Variants in NGEF observed in about 807,000 individuals in gnomAD.
The protein encoded by NGEF is neuronal guanine nucleotide exchange factor.
A neutral mutation model predicts 80.9 loss-of-function variants in NGEF; 31 were observed. That is an observed-to-expected ratio of 0.38 (90% CI 0.29 to 0.52). The LOEUF (loss-of-function observed/expected upper bound fraction) is 0.52, where lower values mean the gene tolerates loss of function less well. Ranked by LOEUF, NGEF falls within the 20% of genes least tolerant of loss-of-function variation. The pLI is 0.84. For missense variants in NGEF, 709 were observed against 926.2 expected, an observed-to-expected ratio of 0.77 and a Z score of 3.04; for synonymous variants, 371 against 370.2, an observed-to-expected ratio of 1.00 and a Z score of -0.03.
chr2:232,927,829 C>A (rs560567648), intron 3 of NGEF: 26 of 1,115,476 alleles, frequency 2.3e-5, no homozygotes, highest in Non-Finnish European at 2.8e-5. Context: ...GGACCCCGGG[C>A]GCAAGCTGGG....
intron 1 of NGEF, among the ~76,000 whole-genome samples, chr2:233,000,216 C>G (rs993430576): frequency 6.6e-6 from 1 of 152,312 alleles, no homozygotes; most frequent in Admixed American, 6.5e-5. Flanking sequence ...CCGCCTCAGT[C>G]TCCTGAGTAG....
intron 5 of NGEF, chr2:232,905,667 TC>T (rs1692489586): frequency 2.8e-6 from 1 of 363,016 alleles, no homozygotes; most frequent in Non-Finnish European, 5.5e-6. Flanking sequence ...GAGCGCCTCT[TC>T]CCGGCCGCCA....
Position 232,970,340 on chromosome 2 carries a change from C to T in NGEF, c.269-12G>A, listed in dbSNP as rs1346117893. 2.6e-6 allele frequency: 4 copies of T among 1,539,680 alleles called. No homozygotes were observed. Among genetic ancestry groups the T allele is most frequent in the Non-Finnish European group, 3.6e-6 (4 of 1,122,756 alleles). On this transcript the variant is annotated splice_polypyrimidine_tract_variant and intron_variant, in intron 2 of 14. Coordinates refer to ENST00000264051, the MANE Select transcript of NGEF (RefSeq NM_019850.3). ...ATTGTCCTGTGAATCTGTGACAATT[C>T]AGAAATGGAGCAAGTTAGAAGATAC...
intron 5 of NGEF, among the ~76,000 whole-genome samples, chr2:232,902,939 A>G (rs528066078): frequency 1.3e-5 from 2 of 152,360 alleles, no homozygotes; most frequent in African/African-American, 2.4e-5. Context: ...GGTTGCAGTG[A>G]GCTGAGATCG....
intron 5 of NGEF, among the ~76,000 whole-genome samples, chr2:232,900,577 C>T (rs187314174): frequency 3.2e-4 from 36 of 114,038 alleles, no homozygotes; most frequent in African/African-American, 5.7e-4. Context: ...CTCACACACA[C>T]GCTCTCACAG....
At chr2:232,934,883 C>G (rs746808037) in intron 3 of NGEF, among the ~76,000 whole-genome samples, 1 of 151,912 alleles carries the variant, frequency 6.6e-6, no homozygotes, top group Non-Finnish European at 1.5e-5. Flanking sequence ...TAGCATGCAC[C>G]TGCAGTTCCA....
At chr2:232,919,065 GCCTAGGTGGCCCTTCAAAAAT>G (rs1214838497) in intron 5 of NGEF, among the ~76,000 whole-genome samples, 6 of 152,198 alleles carry the variant, frequency 3.9e-5, no homozygotes, top group Admixed American at 3.3e-4. Context: ...CCCAGGTGAA[GCCTAGGTGGCCCTTCAAAAAT>G]CCACTTTTAT....
chr2:232,978,048 A>G (rs1408663184), intron 1 of NGEF, among the ~76,000 whole-genome samples: 1 of 151,998 alleles, frequency 6.6e-6, no homozygotes, highest in African/African-American at 2.4e-5. Context: ...CCCAGGAGAA[A>G]AGTTTGTGGA....
In NGEF at chr2:232,881,147, G is replaced by T. The variant is rs148413660; in HGVS notation, c.1941C>A (p.Asp647Glu). ...CGAGGGGAGGTCCCTGGGCCTCACC[G>T]TCGTCAGTCTTGTCCAGGATGTTGA... ...DILNILDKTD[D>E]GWIFGERLHD... Residue 647 changes from aspartate to glutamate, a missense_variant and splice_region_variant, in exon 14 of 15, where the codon GAC becomes GAA. Asp to Glu is a conservative substitution (Grantham distance 45). This residue lies in a region of NGEF where 426 missense variants were observed against 622.9 expected (regional missense o/e 0.68). Coordinates refer to ENST00000264051, the MANE Select transcript of NGEF (RefSeq NM_019850.3). 1.2e-6 allele frequency: 2 copies of T among 1,611,920 alleles called. No homozygotes were observed. Among genetic ancestry groups the T allele is most frequent in the South Asian group, 2.2e-5 (2 of 91,068 alleles).
At chr2:232,887,745 T>C (rs577216930) in intron 9 of NGEF, among the ~76,000 whole-genome samples, 25 of 152,254 alleles carry the variant, frequency 1.6e-4, no homozygotes, top group African/African-American at 5.3e-4. Context: ...AAGAATGTCC[T>C]GAGAGCCACG....
chr2:232,978,835 A>G (rs1287888188), intron 1 of NGEF, among the ~76,000 whole-genome samples: 1 of 152,166 alleles, frequency 6.6e-6, no homozygotes, highest in East Asian at 1.9e-4. Context: ...GGCTCAAGCC[A>G]TCTTCCCACC....
chr2:232,938,590 C>T (rs1335408250), intron 3 of NGEF, among the ~76,000 whole-genome samples: 1 of 151,912 alleles, frequency 6.6e-6, no homozygotes, highest in Non-Finnish European at 1.5e-5. Context: ...AAGCAAGGGG[C>T]ACCTAAGGGG....
chr2:232,923,216 A>G (rs574658806), intron 4 of NGEF, among the ~76,000 whole-genome samples: 2 of 152,312 alleles, frequency 1.3e-5, no homozygotes, highest in African/African-American at 4.8e-5. Flanking sequence ...GGTGAATACT[A>G]TCTTGAACAT....
chr2:232,900,114 A>G (rs934210836), intron 5 of NGEF, among the ~76,000 whole-genome samples: 3 of 145,092 alleles, frequency 2.1e-5, no homozygotes, highest in Admixed American at 6.9e-5. Flanking sequence ...TCAGTCACTC[A>G]TATACACGTT....
At chr2:232,947,944 G>A (rs1483921677) in intron 3 of NGEF, among the ~76,000 whole-genome samples, 3 of 152,092 alleles carry the variant, frequency 2.0e-5, no homozygotes, top group South Asian at 2.1e-4. Context: ...TTAAAAAAAC[G>A]TATTGACACA....
At chr2:233,001,899 C>T (rs967245044) in intron 1 of NGEF, among the ~76,000 whole-genome samples, 1 of 152,164 alleles carries the variant, frequency 6.6e-6, no homozygotes, top group Non-Finnish European at 1.5e-5. Flanking sequence ...CCTGTAATTG[C>T]AGCTACTTGG....
At chr2:232,949,241 C>G (rs548515785) in intron 3 of NGEF, among the ~76,000 whole-genome samples, 26 of 152,242 alleles carry the variant, frequency 1.7e-4, no homozygotes, top group African/African-American at 5.3e-4. Flanking sequence ...TGCTAAATCC[C>G]CAGTACCTAA....
At chr2:232,967,301 C>G (rs1255466929) in intron 3 of NGEF, among the ~76,000 whole-genome samples, 2 of 152,214 alleles carry the variant, frequency 1.3e-5, no homozygotes, top group East Asian at 3.9e-4. Context: ...GTATAGCCTG[C>G]AGAGCTGTGA....
intron 2 of NGEF, 125 bp from the exon 3 acceptor site, chr2:232,970,453 G>T: frequency 1.6e-6 from 1 of 617,484 alleles, no homozygotes; most frequent in Non-Finnish European, 2.8e-6. Flanking sequence ...GTGGGAAGGG[G>T]TGTCCCTCCC....
Sources: gnomAD v4.1 joint callset for allele counts (sites outside exome capture counted in the v4.1 genomes callset) on GRCh38, gnomAD v4.1.1 for gene constraint, gnomAD v4.1.1 regional missense constraint, MANE v1.5 for transcripts, NCBI Gene and HGNC (gene_info 2026-07-23, HGNC 2026-07-21) for gene names.